The following RIT2 variants were observed in gnomAD, a reference collection of about 807,000 sequenced individuals.
RIT2 encodes the protein GTP-binding protein Rit2.
RIT2 carries 24 observed loss-of-function variants against 23.7 expected under a neutral mutation model. The observed-to-expected ratio is 1.01, with a 90% CI of 0.73 to 1.43. RIT2 has a LOEUF of 1.43. Among genes scored for constraint, RIT2 ranks in the 40% most tolerant of loss-of-function variants. RIT2 has a pLI of 0.00. For synonymous variants in RIT2, 107 were observed against 91.1 expected, an observed-to-expected ratio of 1.17 and a Z score of -0.99; for missense variants, 236 against 266.9, an observed-to-expected ratio of 0.88 and a Z score of 0.81.
intron 4 of RIT2, among the ~76,000 whole-genome samples, chr18:42,870,206 G>T (rs1369287721): frequency 2.6e-5 from 4 of 152,120 alleles, no homozygotes; most frequent in African/African-American, 9.7e-5. Context: ...ACAAAACTTG[G>T]ATAATTAGAA....
chr18:43,009,362 A>G (rs1236022416), intron 2 of RIT2, among the ~76,000 whole-genome samples: 4 of 151,756 alleles, frequency 2.6e-5, no homozygotes, highest in Non-Finnish European at 4.4e-5. Flanking sequence ...AAATAAAATG[A>G]CCTGAATGTA....
intron 1 of RIT2, among the ~76,000 whole-genome samples, chr18:43,076,428 A>G (rs770401189): frequency 2.0e-4 from 31 of 152,170 alleles, no homozygotes; most frequent in Non-Finnish European, 3.8e-4. Flanking sequence ...TGAACAGGAA[A>G]AAAAGCAAAA....
At chr18:42,805,320 C>A (rs1056724085) in intron 4 of RIT2, among the ~76,000 whole-genome samples, 3 of 152,074 alleles carry the variant, frequency 2.0e-5, no homozygotes, top group African/African-American at 7.2e-5. Flanking sequence ...AGAATTGGAG[C>A]CTGATTACCT....
chr18:42,829,166 C>CT (rs1906387524), intron 4 of RIT2, among the ~76,000 whole-genome samples: 1 of 152,044 alleles, frequency 6.6e-6, no homozygotes, highest in African/African-American at 2.4e-5. Context: ...TTACATGGCT[C>CT]TTTTTTGTCT....
chr18:43,065,224 T>TG (rs1225234903), intron 1 of RIT2, among the ~76,000 whole-genome samples: 3 of 142,758 alleles, frequency 2.1e-5, no homozygotes, highest in Admixed American at 2.1e-4. Context: ...TTGGGTTTTT[T>TG]TTTTTTTTTT....
intron 3 of RIT2, among the ~76,000 whole-genome samples, chr18:42,946,587 A>C (rs1378836015): frequency 6.6e-6 from 1 of 152,050 alleles, no homozygotes; most frequent in East Asian, 1.9e-4. Flanking sequence ...ATGGGAACAA[A>C]ACAGTATACA....
intron 3 of RIT2, among the ~76,000 whole-genome samples, chr18:42,946,184 C>T (rs1057484568): frequency 2.6e-5 from 4 of 152,140 alleles, no homozygotes; most frequent in East Asian, 1.9e-4. Context: ...CATGCTAATA[C>T]GACATTTTTA....
At chr18:42,817,065 G>A (rs1312108858) in intron 4 of RIT2, among the ~76,000 whole-genome samples, 1 of 152,028 alleles carries the variant, frequency 6.6e-6, no homozygotes. Flanking sequence ...GATTTAGATT[G>A]AAGTAAAACT....
chr18:42,954,948 A>T (rs1184692195), intron 3 of RIT2, among the ~76,000 whole-genome samples: 1 of 152,174 alleles, frequency 6.6e-6, no homozygotes, highest in Non-Finnish European at 1.5e-5. Context: ...GCTTAACAAT[A>T]CTTGTGTTGT....
chr18:42,995,867 T>C (rs1392441975), intron 2 of RIT2, among the ~76,000 whole-genome samples: 1 of 152,170 alleles, frequency 6.6e-6, no homozygotes, highest in Non-Finnish European at 1.5e-5. Flanking sequence ...CATACTCCTA[T>C]TCACCATTCT....
chr18:43,021,153 A>G (rs1182569719), intron 2 of RIT2, among the ~76,000 whole-genome samples: 1 of 152,096 alleles, frequency 6.6e-6, no homozygotes, highest in East Asian at 1.9e-4. Flanking sequence ...ATGAACTCAA[A>G]AAACTCAATA....
At chr18:42,760,844 T>A (rs1913283840) in intron 4 of RIT2, among the ~76,000 whole-genome samples, 1 of 152,186 alleles carries the variant, frequency 6.6e-6, no homozygotes, top group African/African-American at 2.4e-5. Context: ...GCATCATGCA[T>A]CCTAATATGA....
intron 4 of RIT2, among the ~76,000 whole-genome samples, chr18:42,859,268 T>C (rs889375747): frequency 6.6e-5 from 10 of 152,218 alleles, no homozygotes; most frequent in African/African-American, 2.4e-4. Context: ...AACTGATGTC[T>C]CGTGGTTTTG....
chr18:42,855,712 T>C (rs1907162783), intron 4 of RIT2, among the ~76,000 whole-genome samples: 1 of 152,350 alleles, frequency 6.6e-6, no homozygotes, highest in South Asian at 2.1e-4. Flanking sequence ...TTTTAGATAA[T>C]AGTTACAGAA....
At chr18:42,938,806 A>G (rs1367693738) in intron 3 of RIT2, among the ~76,000 whole-genome samples, 8 of 152,110 alleles carry the variant, frequency 5.3e-5, no homozygotes, top group African/African-American at 1.4e-4. Context: ...TGACACAATC[A>G]TAGCTCACTG....
At chr18:42,967,439 G>A (rs1910255864) in intron 3 of RIT2, among the ~76,000 whole-genome samples, 1 of 151,626 alleles carries the variant, frequency 6.6e-6, no homozygotes, top group Admixed American at 6.6e-5. Context: ...GCGTGATCTC[G>A]GCTCACTGAA....
chr18:43,084,806 G>C (rs141668799), intron 1 of RIT2, among the ~76,000 whole-genome samples: 1 of 152,130 alleles, frequency 6.6e-6, no homozygotes, highest in African/African-American at 2.4e-5. Context: ...CTAGTGACAC[G>C]TTGATGGGTA....
At chr18:43,014,415 CT>C (rs1052428571) in intron 2 of RIT2, among the ~76,000 whole-genome samples, 3 of 151,466 alleles carry the variant, frequency 2.0e-5, no homozygotes, top group Admixed American at 6.6e-5. Context: ...ACATACTACC[CT>C]TTTTTTTCTC....
chr18:42,812,403 T>C (rs1048282232), intron 4 of RIT2, among the ~76,000 whole-genome samples: 2 of 152,156 alleles, frequency 1.3e-5, no homozygotes, highest in Non-Finnish European at 2.9e-5. Flanking sequence ...GTTTTGTTGT[T>C]TTAAGTCCTT....
Sources: allele counts gnomAD v4.1 joint callset (sites outside exome capture counted in the v4.1 genomes callset), GRCh38; gene constraint gnomAD v4.1.1; transcripts MANE v1.5; gene names NCBI Gene and HGNC (gene_info 2026-07-23, HGNC 2026-07-21).